The following XKR4 variants were observed in gnomAD, a reference collection of about 807,000 sequenced individuals.
XKR4 encodes the protein XK-related protein 4.
In XKR4, 12 loss-of-function variants were observed where a neutral mutation model predicts 53.9. The observed-to-expected ratio is 0.22, with a 90% confidence interval of 0.14 to 0.36. The LOEUF is 0.36. Ranked by LOEUF, XKR4 falls within the 10% of genes least tolerant of loss-of-function variation. The pLI is 1.00. For missense variants in XKR4, 799 were observed against 859.5 expected (o/e 0.93, Z 0.88); for synonymous variants, 354 against 362.4 (o/e 0.98, Z 0.26).
At chr8:55,415,549 A>T (rs982963992) in intron 2 of XKR4, among the ~76,000 whole-genome samples, 17 of 152,164 alleles carry the variant, frequency 1.1e-4, no homozygotes, top group Non-Finnish European at 5.9e-5. Context: ...GAGAAAAAAA[A>T]ATCTGAATGT....
At chr8:55,454,880 C>G in intron 2 of XKR4, 1 of 763,866 alleles carries the variant, frequency 1.3e-6, no homozygotes, top group South Asian at 1.4e-5. Flanking sequence ...TAGCGCGTGT[C>G]GTTTCCTGCT....
At chr8:55,431,448 AC>A (rs919075994) in intron 2 of XKR4, among the ~76,000 whole-genome samples, 1 of 152,254 alleles carries the variant, frequency 6.6e-6, no homozygotes, top group African/African-American at 2.4e-5. Context: ...ATCAGTAACT[AC>A]AACTAAAGAT....
At chr8:55,428,036 T>G (rs531468999) in intron 2 of XKR4, among the ~76,000 whole-genome samples, 1 of 152,324 alleles carries the variant, frequency 6.6e-6, no homozygotes, top group Non-Finnish European at 1.5e-5. Context: ...TTATATAACT[T>G]TTTTCAGTCT....
intron 1 of XKR4, among the ~76,000 whole-genome samples, chr8:55,269,741 G>A (rs1818660913): frequency 6.6e-6 from 1 of 152,184 alleles, no homozygotes; most frequent in Non-Finnish European, 1.5e-5. Context: ...CAAAAGCTCA[G>A]ACTGAGTTGA....
intron 2 of XKR4, among the ~76,000 whole-genome samples, chr8:55,475,419 G>A (rs1322792318): frequency 1.3e-5 from 2 of 150,036 alleles, no homozygotes; most frequent in South Asian, 2.1e-4. Flanking sequence ...GTTGTTGTTA[G>A]GCTATTTGGG....
chr8:55,370,660 G>C (rs1804059561), intron 2 of XKR4, among the ~76,000 whole-genome samples: 1 of 152,088 alleles, frequency 6.6e-6, no homozygotes, highest in Admixed American at 6.5e-5. Context: ...TTTTTTCTTT[G>C]TCTTTCTAAA....
At chr8:55,436,461 A>T (rs1459179692) in intron 2 of XKR4, among the ~76,000 whole-genome samples, 1 of 152,220 alleles carries the variant, frequency 6.6e-6, no homozygotes, top group Non-Finnish European at 1.5e-5. Context: ...ATGGTGTTGC[A>T]CAGAAGTTGA....
At chr8:55,349,152 A>G (rs1803692028) in intron 1 of XKR4, among the ~76,000 whole-genome samples, 1 of 152,176 alleles carries the variant, frequency 6.6e-6, no homozygotes, top group African/African-American at 2.4e-5. Flanking sequence ...CTTATTTTTA[A>G]TTAGTCATTT....
At chr8:55,286,864 A>T (rs1818913707) in intron 1 of XKR4, among the ~76,000 whole-genome samples, 1 of 152,212 alleles carries the variant, frequency 6.6e-6, no homozygotes, top group African/African-American at 2.4e-5. Context: ...ATTTAGAGCT[A>T]GATGTTAAAA....
chr8:55,250,867 A>G (rs1163709803), intron 1 of XKR4, among the ~76,000 whole-genome samples: 1 of 152,240 alleles, frequency 6.6e-6, no homozygotes, highest in Non-Finnish European at 1.5e-5. Context: ...AAAACCATGG[A>G]AAACCCTGTT....
At chr8:55,366,477 C>G (rs1803990110) in intron 2 of XKR4, among the ~76,000 whole-genome samples, 1 of 152,166 alleles carries the variant, frequency 6.6e-6, no homozygotes, top group South Asian at 2.1e-4. Context: ...CTGACATGTC[C>G]TTCCTTAAAT....
intron 1 of XKR4, among the ~76,000 whole-genome samples, chr8:55,249,063 G>A (rs1011469031): frequency 6.6e-6 from 1 of 152,092 alleles, no homozygotes; most frequent in Non-Finnish European, 1.5e-5. Context: ...CCTAAGTCAT[G>A]GTTAAAACAG....
intron 1 of XKR4, among the ~76,000 whole-genome samples, chr8:55,208,513 C>T (rs1007665288): frequency 4.6e-5 from 7 of 151,444 alleles, no homozygotes; most frequent in African/African-American, 1.7e-4. Context: ...CTTGCTGTAT[C>T]ACCCAGGCAG....
At chr8:55,382,849 G>A (rs558933454) in intron 2 of XKR4, among the ~76,000 whole-genome samples, 1 of 152,234 alleles carries the variant, frequency 6.6e-6, no homozygotes, top group South Asian at 2.1e-4. Flanking sequence ...GAATTACAGG[G>A]AGAGTCCAAT....
chr8:55,173,347 C>A (rs1402924808), intron 1 of XKR4, among the ~76,000 whole-genome samples: 2 of 151,984 alleles, frequency 1.3e-5, no homozygotes, highest in African/African-American at 2.4e-5. Context: ...ACTTCTTTAA[C>A]CTACTTTCCA....
chr8:55,374,040 C>A (rs1393686373), intron 2 of XKR4, among the ~76,000 whole-genome samples: 1 of 152,172 alleles, frequency 6.6e-6, no homozygotes, highest in East Asian at 1.9e-4. Context: ...AAACCAGGAA[C>A]AGGAGGGAAT....
At chr8:55,423,499 T>A (rs1288982090) in intron 2 of XKR4, among the ~76,000 whole-genome samples, 1 of 152,256 alleles carries the variant, frequency 6.6e-6, no homozygotes, top group Non-Finnish European at 1.5e-5. Context: ...GTGTGAGCCA[T>A]CTTTCCTTGT....
At chr8:55,389,752 C>T (rs1276744515) in intron 2 of XKR4, among the ~76,000 whole-genome samples, 1 of 152,176 alleles carries the variant, frequency 6.6e-6, no homozygotes, top group Non-Finnish European at 1.5e-5. Flanking sequence ...TATTAAACAT[C>T]TGTGGAAATG....
At chr8:55,481,196 A>T (rs1806097964) in intron 2 of XKR4, among the ~76,000 whole-genome samples, 2 of 152,088 alleles carry the variant, frequency 1.3e-5, no homozygotes, top group African/African-American at 4.8e-5. Flanking sequence ...GGTACAAAAC[A>T]GATATAAGAT....
Sources: allele counts gnomAD v4.1 joint callset (sites outside exome capture counted in the v4.1 genomes callset), GRCh38; gene constraint gnomAD v4.1.1; transcripts MANE v1.5; gene names NCBI Gene and HGNC (gene_info 2026-07-23, HGNC 2026-07-21).